Variants in VDAC2 observed in about 807,000 individuals in gnomAD.
The protein encoded by VDAC2 is voltage dependent anion channel 2, also known as non-selective voltage-gated ion channel VDAC2.
In VDAC2, 6 loss-of-function variants were observed where a neutral mutation model predicts 36.6. The ratio of observed to expected loss-of-function variants is 0.16; its 90% CI spans 0.09 to 0.32. The LOEUF is 0.32. VDAC2 is among the 10% of genes least tolerant of loss of function. VDAC2 has a pLI of 1.00. For synonymous variants in VDAC2, 109 were observed against 123.8 expected (o/e 0.88, Z 0.79); for missense variants, 247 against 346.0 (o/e 0.71, Z 2.27).
intron 7 of VDAC2, 26 bp from the exon 8 acceptor site, chr10:75,222,226 A>C (rs768491583): frequency 5.6e-6 from 9 of 1,603,178 alleles, no homozygotes; most frequent in Non-Finnish European, 7.7e-6. Context: ...TCTATTCTAG[A>C]TCTACTAATT....
At chr10:75,226,024 C>T (rs1841941970) in intron 8 of VDAC2, among the ~76,000 whole-genome samples, 1 of 151,826 alleles carries the variant, frequency 6.6e-6, no homozygotes, top group African/African-American at 2.4e-5. Context: ...AACTCCTGAC[C>T]TCTGGTAATC....
At chr10:75,212,950 T>G (rs1201122223) in intron 3 of VDAC2, among the ~76,000 whole-genome samples, 1 of 152,220 alleles carries the variant, frequency 6.6e-6, no homozygotes, top group Non-Finnish European at 1.5e-5. Context: ...TCTAGAGTTA[T>G]GAGCTTTTTC....
At chr10:75,213,698 C>A (rs1018637412) in intron 3 of VDAC2, among the ~76,000 whole-genome samples, 5 of 152,068 alleles carry the variant, frequency 3.3e-5, no homozygotes, top group Admixed American at 6.5e-5. Flanking sequence ...GAGCTGAGAT[C>A]GTGCCACTGC....
intron 4 of VDAC2, 79 bp from the exon 5 acceptor site, chr10:75,218,984 G>T: frequency 7.4e-7 from 1 of 1,343,994 alleles, no homozygotes; most frequent in Admixed American, 2.3e-5. Flanking sequence ...CAGGGGGTTT[G>T]TGTGTGTGTG....
chr10:75,212,396 C>A, intron 3 of VDAC2, 98 bp downstream of exon 3: 1 of 1,101,198 alleles, frequency 9.1e-7, no homozygotes, highest in Non-Finnish European at 1.3e-6. Flanking sequence ...TTGTAAATAT[C>A]TTGCTGCTTT....
chr10:75,211,589 C>T, intron 2 of VDAC2: 1 of 1,550,576 alleles, frequency 6.4e-7, no homozygotes, highest in South Asian at 1.2e-5. Context: ...AATGAATGAG[C>T]TGGTGTAATG....
intron 8 of VDAC2, among the ~76,000 whole-genome samples, chr10:75,227,208 C>T (rs895375542): frequency 2.1e-4 from 32 of 152,156 alleles, no homozygotes; most frequent in African/African-American, 7.0e-4. Flanking sequence ...ATGTGTTAGT[C>T]CCTGAGTTCT....
intron 8 of VDAC2, among the ~76,000 whole-genome samples, chr10:75,225,756 T>A (rs1307482679): frequency 6.6e-6 from 1 of 152,182 alleles, no homozygotes; most frequent in Non-Finnish European, 1.5e-5. Context: ...CTCATACTGC[T>A]GAGCTATTTT....
intron 3 of VDAC2, among the ~76,000 whole-genome samples, 192 bp from the exon 4 acceptor site, chr10:75,213,829 A>G (rs1271591082): frequency 6.6e-6 from 1 of 152,252 alleles, no homozygotes; most frequent in Non-Finnish European, 1.5e-5. Context: ...GCATAGGGAT[A>G]ATTCTGCCCT....
intron 8 of VDAC2, among the ~76,000 whole-genome samples, chr10:75,224,084 CCT>C (rs1315533490): frequency 1.3e-5 from 2 of 152,194 alleles, no homozygotes; most frequent in Non-Finnish European, 2.9e-5. Flanking sequence ...CTTGTGGGAA[CCT>C]CTGTTTAGAG....
chr10:75,218,021 G>C (rs1205131076), intron 4 of VDAC2: 7 of 1,037,504 alleles, frequency 6.7e-6, no homozygotes, highest in East Asian at 6.0e-5. Context: ...CTGGGAGGTT[G>C]AGGCTGCAGT....
intron 3 of VDAC2, among the ~76,000 whole-genome samples, chr10:75,213,598 G>T (rs11001331): frequency 6.6e-6 from 1 of 152,210 alleles, no homozygotes; most frequent in Admixed American, 6.5e-5. Flanking sequence ...CAAAAAATTA[G>T]CCAGGCGTGG....
rs563317189 is a variant in VDAC2, at chr10:75,225,818, T to C, written c.735+3416T>C. On this transcript the variant is annotated intron_variant, in intron 8 of 9. Transcript: ENST00000332211. ...TTTTTTTTGTTTTGTTTTGTTTTGT[T>C]TTGAGACGGAGTCATCCAGGCTGGA... 1.6e-4 allele frequency among the ~76,000 whole-genome samples: 24 copies of C among 151,764 alleles called. 1 individual carries two copies. The South Asian group carries it at 4.8e-3, about 30-fold the overall frequency.
intron 3 of VDAC2, 137 bp from the exon 4 acceptor site, chr10:75,213,884 A>T: frequency 1.3e-6 from 1 of 772,258 alleles, no homozygotes; most frequent in Non-Finnish European, 2.1e-6. Context: ...AATTTCATTT[A>T]AATATTGTAT....
rs200130063 is a variant in VDAC2 at position 75,214,068 on chromosome 10, G to C, written c.148G>C (p.Val50Leu). The C allele has an allele frequency of 6.8e-6, 11 of 1,612,764 alleles. No homozygotes were observed. The highest frequency in any genetic ancestry group is 8.5e-6 in the Non-Finnish European group (10 of 1,179,278). The change falls in exon 4 of 10, where the codon GTG becomes CTG. Residue 50 changes from valine (V) to leucine (L), a missense_variant and splice_region_variant. Physicochemically the swap from Val to Leu is conservative, Grantham distance 32. Around this residue, in one of 3 missense-constraint regions of VDAC2, gnomAD observed 76 missense variants for 76.9 expected, o/e 0.99. Transcript: ENST00000332211. Reference sequence around the variant, plus strand: ...TGTGAAAACAAAGTCTTGCAGTGGCGTGGTGAGTGTTACTGTTGAATAAGT... The same window carrying C: ...TGTGAAAACAAAGTCTTGCAGTGGCCTGGTGAGTGTTACTGTTGAATAAGT... ...LDVKTKSCSG[V>L]EFSTSGSSNT...
chr10:75,218,949 G>GGAA, intron 4 of VDAC2, 114 bp from the exon 5 acceptor site: 3 of 1,120,516 alleles, frequency 2.7e-6, no homozygotes, highest in Non-Finnish European at 3.8e-6. Context: ...GCTAGAAAAA[G>GGAA]GATTCATGAA....
chr10:75,211,774 C>T (rs945032275), intron 2 of VDAC2: 8 of 1,305,384 alleles, frequency 6.1e-6, no homozygotes, highest in African/African-American at 1.5e-5. Context: ...ATTCTCTTCC[C>T]ACTCCAGGGT....
At chr10:75,221,773 C>T (rs1286894967) in intron 7 of VDAC2, among the ~76,000 whole-genome samples, 2 of 152,190 alleles carry the variant, frequency 1.3e-5, no homozygotes, top group Admixed American at 1.3e-4. Context: ...TGCATCCAGC[C>T]TGGTGTTTTT....
chr10:75,227,504 G>A (rs116881567), intron 8 of VDAC2, among the ~76,000 whole-genome samples: 545 of 148,832 alleles, frequency 3.7e-3, no homozygotes, highest in Middle Eastern at 7.0e-3. Context: ...GAGTATAGAG[G>A]GAGAAACTGA....
Sources: gnomAD v4.1 joint callset for allele counts (sites outside exome capture counted in the v4.1 genomes callset) on GRCh38, gnomAD v4.1.1 for gene constraint, gnomAD v4.1.1 regional missense constraint, MANE v1.5 for transcripts, NCBI Gene and HGNC (gene_info 2026-07-23, HGNC 2026-07-21) for gene names.